Variants in EIF2B3 observed in about 807,000 individuals in gnomAD.
EIF2B3 encodes the protein translation initiation factor eIF2B subunit gamma.
EIF2B3 carries 20 observed loss-of-function variants against 54.1 expected under a neutral mutation model. That is an observed-to-expected ratio of 0.37 (90% CI 0.26 to 0.54). The LOEUF (loss-of-function observed/expected upper bound fraction) is 0.54, where lower values mean the gene tolerates loss of function less well. Among genes scored for constraint, EIF2B3 ranks in the 20% least tolerant of loss-of-function variants. The pLI is 0.86. For missense variants in EIF2B3, 448 were observed against 547.8 expected (o/e 0.82, Z 1.82); for synonymous variants, 153 against 188.1 (o/e 0.81, Z 1.52).
intron 10 of EIF2B3, among the ~76,000 whole-genome samples, chr1:44,872,621 G>A (rs1655001454): frequency 6.6e-6 from 1 of 151,968 alleles, no homozygotes; most frequent in Non-Finnish European, 1.5e-5. Flanking sequence ...CTGTACTCCA[G>A]CCTGGGCAAC....
rs185703101 is a variant in EIF2B3 at position 44,856,033 on chromosome 1, C to T, written c.1306+1671G>A. 7.6e-3 allele frequency among the ~76,000 whole-genome samples: 1,153 copies of T among 152,088 alleles called. 6 individuals are homozygous for T. Among genetic ancestry groups the T allele is most frequent in the Non-Finnish European group, 0.013 (861 of 68,000 alleles). On this transcript the variant is annotated intron_variant, in intron 11 of 11. Coordinates refer to ENST00000360403, the MANE Select transcript of EIF2B3 (RefSeq NM_020365.5). ...TTCTACAAAGGAGAAAACACTTGGT[C>T]GGAGTCTTCAAGAGAGGAAATCTAG...
chr1:44,853,737 G>A (rs181148826), intron 11 of EIF2B3, among the ~76,000 whole-genome samples: 33 of 152,296 alleles, frequency 2.2e-4, no homozygotes, highest in Non-Finnish European at 4.0e-4. Context: ...ATACAAGGGA[G>A]GATGATAAGT....
At chr1:44,888,383 G>A (rs530053840) in intron 6 of EIF2B3, among the ~76,000 whole-genome samples, 12 of 151,772 alleles carry the variant, frequency 7.9e-5, no homozygotes, top group African/African-American at 2.9e-4. Flanking sequence ...AAGCAGGGTC[G>A]CTAGGGCCGC....
At chr1:44,972,205 TAGTG>T (rs1206785279) in intron 3 of EIF2B3, among the ~76,000 whole-genome samples, 1 of 145,406 alleles carries the variant, frequency 6.9e-6, no homozygotes, top group Non-Finnish European at 1.5e-5. Flanking sequence ...CTGGGCAACA[TAGTG>T]AGACTCTGTC....
At chr1:44,902,902 T>C (rs923340482) in intron 5 of EIF2B3, among the ~76,000 whole-genome samples, 10 of 151,396 alleles carry the variant, frequency 6.6e-5, no homozygotes, top group African/African-American at 2.4e-5. Flanking sequence ...AGATTACTTT[T>C]AAATTTCGAG....
At chr1:44,898,957 G>A (rs1656072471) in intron 5 of EIF2B3, among the ~76,000 whole-genome samples, 1 of 152,146 alleles carries the variant, frequency 6.6e-6, no homozygotes, top group Admixed American at 6.5e-5. Context: ...CTCCCAAGCA[G>A]CTAGGACCAC....
intron 5 of EIF2B3, among the ~76,000 whole-genome samples, chr1:44,899,790 C>A (rs896285412): frequency 6.6e-6 from 1 of 152,168 alleles, no homozygotes; most frequent in African/African-American, 2.4e-5. Context: ...TTTCAAAGAA[C>A]TAAAACTAGA....
intron 3 of EIF2B3, among the ~76,000 whole-genome samples, chr1:44,955,765 C>T (rs139397854): frequency 6.6e-6 from 1 of 152,160 alleles, no homozygotes; most frequent in African/African-American, 2.4e-5. Flanking sequence ...AAAAAAAGCT[C>T]ATCATCACTG....
chr1:44,882,470 A>G (rs1655434451), intron 6 of EIF2B3, among the ~76,000 whole-genome samples: 1 of 147,342 alleles, frequency 6.8e-6, no homozygotes, highest in East Asian at 2.0e-4. Context: ...ACAGGGTCTC[A>G]CTCTGTCTGT....
At chr1:44,945,066 C>A (rs1368555425) in intron 3 of EIF2B3, among the ~76,000 whole-genome samples, 2 of 152,090 alleles carry the variant, frequency 1.3e-5, no homozygotes, top group Non-Finnish European at 2.9e-5. Flanking sequence ...TATGTTACTG[C>A]CTGAAATTTC....
chr1:44,985,137 T>C (rs571592444), intron 1 of EIF2B3, among the ~76,000 whole-genome samples: 1 of 152,316 alleles, frequency 6.6e-6, no homozygotes, highest in East Asian at 1.9e-4. Context: ...AGCACTATAT[T>C]TGTATTTGCT....
chr1:44,856,528 TAAAAA>T (rs150728949), intron 11 of EIF2B3, among the ~76,000 whole-genome samples: 1 of 102,388 alleles, frequency 9.8e-6, no homozygotes, highest in Non-Finnish European at 2.2e-5. Context: ...AAATTAAAAT[TAAAAA>T]AAAAAAAAAA....
intron 5 of EIF2B3, among the ~76,000 whole-genome samples, chr1:44,904,298 T>C (rs1033661839): frequency 6.6e-5 from 10 of 152,188 alleles, no homozygotes; most frequent in African/African-American, 2.4e-4. Context: ...TGCATGAATA[T>C]GAATGTTAAC....
At position 44,938,309 on chromosome 1, in the gene EIF2B3, A is replaced by C. The variant is rs1389105335; in HGVS notation, c.454+3197T>G. ...TATTTAGGTGAATCTTAGCCTTCAA[A>C]TGTAACAAAATATAGGTATTGAGAA... On this transcript the variant is annotated intron_variant, in intron 4 of 11. Transcript: ENST00000360403. 2.0e-5 allele frequency among the ~76,000 whole-genome samples: 3 copies of C among 152,178 alleles called. No homozygotes were observed. In the East Asian group the frequency reaches 5.8e-4, roughly 29 times the overall value.
intron 10 of EIF2B3, among the ~76,000 whole-genome samples, chr1:44,861,932 T>G (rs1015800677): frequency 6.6e-6 from 1 of 152,166 alleles, no homozygotes; most frequent in African/African-American, 2.4e-5. Flanking sequence ...CTGAGGTACT[T>G]TGGAAAAATT....
Position 44,850,922 on chromosome 1 carries a change from A to G in EIF2B3, c.*29T>C. ...GCCAACATCTGTGGCTTTGGAGGCCAAAAGGAAGGAGTCTGACTTGCTCAG... is the reference window on the plus strand; with the variant it reads ...GCCAACATCTGTGGCTTTGGAGGCCGAAAGGAAGGAGTCTGACTTGCTCAG... On this transcript the variant is annotated 3_prime_UTR_variant, in exon 12 of 12. Coordinates refer to ENST00000360403, the MANE Select transcript of EIF2B3 (RefSeq NM_020365.5). 1 of 1,613,754 alleles carries G rather than the reference A, an allele frequency of 6.2e-7. No individual in the cohort carries two copies. Among genetic ancestry groups the G allele is most frequent in the South Asian group, 1.1e-5 (1 of 91,080 alleles).
At chr1:44,970,797 C>T (rs1644391836) in intron 3 of EIF2B3, among the ~76,000 whole-genome samples, 2 of 152,150 alleles carry the variant, frequency 1.3e-5, no homozygotes, top group African/African-American at 2.4e-5. Flanking sequence ...CATTTATTTA[C>T]GTTCTTCCAA....
At chr1:44,853,963 A>T (rs901911506) in intron 11 of EIF2B3, among the ~76,000 whole-genome samples, 3 of 149,648 alleles carry the variant, frequency 2.0e-5, no homozygotes, top group African/African-American at 7.4e-5. Flanking sequence ...GTAAGAAGAG[A>T]CTCAGATGAA....
chr1:44,894,098 T>C (rs186923654), intron 6 of EIF2B3, among the ~76,000 whole-genome samples: 1 of 152,276 alleles, frequency 6.6e-6, no homozygotes, highest in East Asian at 1.9e-4. Context: ...AGAGATCAGC[T>C]TCTTTAGGCT....
Sources: gnomAD v4.1 joint callset for allele counts (sites outside exome capture counted in the v4.1 genomes callset) on GRCh38, gnomAD v4.1.1 for gene constraint, MANE v1.5 for transcripts, NCBI Gene and HGNC (gene_info 2026-07-23, HGNC 2026-07-21) for gene names.